CAB39: variants seen among roughly 807,000 people sequenced by gnomAD.
CAB39 encodes the protein calcium-binding protein 39.
A neutral mutation model predicts 40.0 loss-of-function variants in CAB39; 8 were observed. The ratio of observed to expected loss-of-function variants is 0.20; its 90% CI spans 0.12 to 0.36. CAB39 has a LOEUF of 0.36. CAB39 is among the 10% of genes least tolerant of loss of function. The pLI is 1.00. For synonymous variants in CAB39, 156 were observed against 141.6 expected, an observed-to-expected ratio of 1.10 and a Z score of -0.72; for missense variants, 270 against 401.1, an observed-to-expected ratio of 0.67 and a Z score of 2.79.
rs191116288 is a variant in CAB39, at chr2:230,722,311, C to G, written c.-44+9081C>G. Reference sequence around the variant, plus strand: ...AGTGAGAATATACCATACAAACTTTCATTTTTCTATTTAAAAAATATTTTT... The same window carrying G: ...AGTGAGAATATACCATACAAACTTTGATTTTTCTATTTAAAAAATATTTTT... On this transcript the variant is annotated intron_variant, in intron 1 of 8. Coordinates refer to ENST00000258418, the MANE Select transcript of CAB39 (RefSeq NM_016289.4). Among the ~76,000 whole-genome samples the G allele has an allele frequency of 1.1e-4, 16 of 152,264 alleles. No homozygotes were observed. The East Asian group carries it at 3.1e-3, about 29-fold the overall frequency.
At chr2:230,730,163 TC>T (rs1302374102) in intron 1 of CAB39, among the ~76,000 whole-genome samples, 1 of 152,106 alleles carries the variant, frequency 6.6e-6, no homozygotes, top group Admixed American at 6.6e-5. Context: ...AGGCTAGAGT[TC>T]AGCGGCACGA....
rs183006837 is a variant in CAB39, at chr2:230,810,937, A to G, written c.627+615A>G. ...GTCAATGATTTCCAGAGTGCTTGAT[A>G]GCTTGATTTCCCTAGACCCGCACAA... On this transcript the variant is annotated intron_variant, in intron 6 of 8. Transcript: ENST00000258418. 2.2e-3 allele frequency among the ~76,000 whole-genome samples: 339 copies of G among 152,338 alleles called. 7 individuals carry two copies. The highest frequency in any genetic ancestry group is 1.2e-3 in the Non-Finnish European group (80 of 68,030).
At chr2:230,780,528 CT>C (rs1355451515) in intron 2 of CAB39, among the ~76,000 whole-genome samples, 1 of 152,158 alleles carries the variant, frequency 6.6e-6, no homozygotes, top group Non-Finnish European at 1.5e-5. Flanking sequence ...TTTCTTATGA[CT>C]TTTATGACCC....
At chr2:230,786,163 CAAAAAAAAAA>C (rs369510604) in intron 2 of CAB39, among the ~76,000 whole-genome samples, 9 of 72,746 alleles carry the variant, frequency 1.2e-4, no homozygotes, top group East Asian at 1.3e-3. Context: ...GACTCTGTCT[CAAAAAAAAAA>C]AAAAAAAAAA....
At chr2:230,749,011 T>TG (rs1455383558) in intron 1 of CAB39, among the ~76,000 whole-genome samples, 1 of 144,332 alleles carries the variant, frequency 6.9e-6, no homozygotes, top group African/African-American at 2.5e-5. Context: ...GCCCCCGTGT[T>TG]TTTTTTTTAA....
intron 5 of CAB39, 149 bp downstream of exon 5, chr2:230,799,046 T>C (rs1696039215): frequency 3.5e-6 from 2 of 576,916 alleles, no homozygotes; most frequent in Non-Finnish European, 3.0e-6. Context: ...GATAGAGGTA[T>C]ATGCAGTAAA....
chr2:230,721,046 C>T (rs529580839), intron 1 of CAB39, among the ~76,000 whole-genome samples: 1 of 152,254 alleles, frequency 6.6e-6, no homozygotes, highest in East Asian at 1.9e-4. Context: ...TAAAATTTAT[C>T]TTCCCTCCCC....
chr2:230,728,595 C>T (rs1018619646), intron 1 of CAB39, among the ~76,000 whole-genome samples: 2 of 152,174 alleles, frequency 1.3e-5, no homozygotes, highest in African/African-American at 4.8e-5. Flanking sequence ...AGCCGTCGCA[C>T]CCTGCCCCAA....
chr2:230,773,128 C>A (rs529263404), intron 2 of CAB39, among the ~76,000 whole-genome samples: 1 of 152,058 alleles, frequency 6.6e-6, no homozygotes, highest in South Asian at 2.1e-4. Flanking sequence ...CAAAGCTAAT[C>A]CATAATTACA....
At chr2:230,753,374 A>T (rs1336736233) in intron 1 of CAB39, among the ~76,000 whole-genome samples, 6 of 152,154 alleles carry the variant, frequency 3.9e-5, no homozygotes, top group African/African-American at 1.4e-4. Flanking sequence ...GCCACAACCC[A>T]CTTTAGAATC....
chr2:230,794,473 C>T (rs1185960536), intron 4 of CAB39, among the ~76,000 whole-genome samples: 2 of 152,284 alleles, frequency 1.3e-5, no homozygotes, highest in East Asian at 3.9e-4. Flanking sequence ...TCCATAGAAA[C>T]CAAGGATTAT....
At chr2:230,786,951 A>G (rs1695804880) in intron 2 of CAB39, among the ~76,000 whole-genome samples, 1 of 152,218 alleles carries the variant, frequency 6.6e-6, no homozygotes, top group Admixed American at 6.5e-5. Context: ...TCTCCAAGGC[A>G]TTACCGATAA....
At position 230,819,601 on chromosome 2, in the gene CAB39, G is replaced by A. The variant is rs1054195598; in HGVS notation, c.*897G>A. 1 of 152,618 alleles carries A rather than the reference G, an allele frequency of 6.6e-6. No individual in the cohort carries two copies. The highest frequency in any genetic ancestry group is 2.4e-5 in the African/African-American group (1 of 41,446). 9.5% of individuals were successfully genotyped at this position (152,618 alleles called of 1,614,324 possible). A position where few individuals can be genotyped will look rare whatever the true frequency, so the allele number is the denominator to read the frequency against. On this transcript the variant is annotated 3_prime_UTR_variant, in exon 9 of 9. Coordinates refer to ENST00000258418, the MANE Select transcript of CAB39 (RefSeq NM_016289.4). ...TGCAAAAAACAATGAATGCTCATATGTAATTGAAATACTTCAGATCACATG... is the reference window on the plus strand; with the variant it reads ...TGCAAAAAACAATGAATGCTCATATATAATTGAAATACTTCAGATCACATG...
intron 1 of CAB39, among the ~76,000 whole-genome samples, chr2:230,717,187 A>G (rs1286503636): frequency 6.6e-6 from 1 of 152,158 alleles, no homozygotes; most frequent in African/African-American, 2.4e-5. Flanking sequence ...CTTTGATAAA[A>G]TTGTGGGGAA....
chr2:230,725,202 C>T (rs1694541839), intron 1 of CAB39: 5 of 1,605,670 alleles, frequency 3.1e-6, no homozygotes, highest in Non-Finnish European at 4.3e-6. Flanking sequence ...GCGCTGGCGC[C>T]ACAAGTGTCT....
chr2:230,722,751 A>G (rs1278673648), intron 1 of CAB39, among the ~76,000 whole-genome samples: 1 of 152,224 alleles, frequency 6.6e-6, no homozygotes, highest in South Asian at 2.1e-4. Flanking sequence ...CTGCTGTACT[A>G]TACGTACTTT....
chr2:230,735,965 G>A (rs1694781841), intron 1 of CAB39, among the ~76,000 whole-genome samples: 2 of 152,188 alleles, frequency 1.3e-5, no homozygotes, highest in Admixed American at 1.3e-4. Flanking sequence ...CAACTAAGCA[G>A]TTATTGCACA....
intron 1 of CAB39, among the ~76,000 whole-genome samples, chr2:230,753,854 C>T (rs1222452077): frequency 6.6e-6 from 1 of 151,818 alleles, no homozygotes; most frequent in Non-Finnish European, 1.5e-5. Flanking sequence ...TCATTTTCTT[C>T]GTGAACTTCA....
intron 5 of CAB39, among the ~76,000 whole-genome samples, chr2:230,808,953 C>G (rs186183169): frequency 6.6e-6 from 1 of 152,216 alleles, no homozygotes; most frequent in Non-Finnish European, 1.5e-5. Context: ...AAAACAGACA[C>G]GATCCTGGTA....
Sources: gnomAD v4.1 joint callset for allele counts (sites outside exome capture counted in the v4.1 genomes callset) on GRCh38, gnomAD v4.1.1 for gene constraint, MANE v1.5 for transcripts, NCBI Gene and HGNC (gene_info 2026-07-23, HGNC 2026-07-21) for gene names.